WWOX: variants seen among roughly 807,000 people sequenced by gnomAD.
WWOX encodes the protein WW domain containing oxidoreductase.
In WWOX, 69 loss-of-function variants were observed where a neutral mutation model predicts 46.2. That is an observed-to-expected ratio of 1.49 (90% CI 1.23 to 1.82). The LOEUF is 1.82. WWOX is among the 40% of genes most tolerant of loss of function. The pLI, the probability that WWOX is intolerant of heterozygous loss-of-function variation, is 0.00. For synonymous variants in WWOX, 359 were observed against 202.6 expected (o/e 1.77, Z -6.56); for missense variants, 919 against 542.6 (o/e 1.69, Z -6.89).
chr16:78,994,120 T>C (rs1474433571), intron 8 of WWOX, among the ~76,000 whole-genome samples: 4 of 152,196 alleles, frequency 2.6e-5, no homozygotes, highest in Non-Finnish European at 2.9e-5. Flanking sequence ...CCTGTCAACA[T>C]TGGATAAACC....
intron 8 of WWOX, among the ~76,000 whole-genome samples, chr16:78,478,443 C>G (rs2084405880): frequency 6.6e-6 from 1 of 152,096 alleles, no homozygotes; most frequent in African/African-American, 2.4e-5. Flanking sequence ...TTTTCAGACT[C>G]CGGAAAGAAA....
chr16:78,701,575 T>C (rs13333816), intron 8 of WWOX, among the ~76,000 whole-genome samples: 1,723 of 152,058 alleles, frequency 0.011, 33 homozygotes, highest in African/African-American at 0.039. Flanking sequence ...CCCCCCGATA[T>C]ACTCAACATA....
chr16:78,467,291 T>G (rs1285348971), intron 8 of WWOX, among the ~76,000 whole-genome samples: 4 of 152,204 alleles, frequency 2.6e-5, no homozygotes, highest in Admixed American at 6.5e-5. Flanking sequence ...GTATGTATGA[T>G]GTATATACCC....
At chr16:78,505,435 C>A (rs2085171184) in intron 8 of WWOX, among the ~76,000 whole-genome samples, 1 of 152,136 alleles carries the variant, frequency 6.6e-6, no homozygotes, top group Non-Finnish European at 1.5e-5. Context: ...TGGAGAAAGC[C>A]AATCTGTTTC....
chr16:78,419,625 C>CAAAAAAAAA (rs60762734), intron 6 of WWOX, among the ~76,000 whole-genome samples: 45 of 44,690 alleles, frequency 1.0e-3, no homozygotes, highest in African/African-American at 2.1e-3. Flanking sequence ...CAAAAAATAG[C>CAAAAAAAAA]AAAAAAAAAA....
intron 5 of WWOX, among the ~76,000 whole-genome samples, chr16:78,320,468 G>A (rs1458410781): frequency 1.3e-5 from 2 of 152,148 alleles, no homozygotes; most frequent in Non-Finnish European, 2.9e-5. Flanking sequence ...GCTGTTTCCA[G>A]AAATAGTTTG....
At chr16:78,734,646 C>T (rs1279529428) in intron 8 of WWOX, among the ~76,000 whole-genome samples, 1 of 151,828 alleles carries the variant, frequency 6.6e-6, no homozygotes, top group East Asian at 2.0e-4. Context: ...CATGTTTGGT[C>T]AAACATCACT....
intron 6 of WWOX, among the ~76,000 whole-genome samples, chr16:78,391,632 G>A (rs544148171): frequency 6.6e-6 from 1 of 152,326 alleles, no homozygotes; most frequent in Admixed American, 6.5e-5. Context: ...TGGATTGCTT[G>A]AGGCCAGGAG....
intron 4 of WWOX, among the ~76,000 whole-genome samples, chr16:78,115,752 G>A (rs1285546972): frequency 6.6e-6 from 1 of 152,162 alleles, no homozygotes; most frequent in Non-Finnish European, 1.5e-5. Context: ...ACAGGAGCAA[G>A]GCGGGAGCAA....
intron 8 of WWOX, among the ~76,000 whole-genome samples, chr16:78,942,242 C>G (rs1301025762): frequency 1.3e-5 from 2 of 152,144 alleles, no homozygotes; most frequent in South Asian, 4.1e-4. Flanking sequence ...AAGTAGTAGG[C>G]TTCTTAAATA....
chr16:78,261,064 T>G (rs1254588904), intron 5 of WWOX, among the ~76,000 whole-genome samples: 1 of 151,320 alleles, frequency 6.6e-6, no homozygotes, highest in Non-Finnish European at 1.5e-5. Flanking sequence ...AAGCTTTAAG[T>G]GAAATTATTG....
intron 8 of WWOX, among the ~76,000 whole-genome samples, chr16:79,093,774 C>T (rs1056638543): frequency 2.0e-5 from 3 of 152,208 alleles, no homozygotes; most frequent in African/African-American, 4.8e-5. Context: ...ATCATTGATA[C>T]TTTTCTCTCT....
chr16:78,340,518 A>C (rs2080993938), intron 5 of WWOX, among the ~76,000 whole-genome samples: 1 of 120,118 alleles, frequency 8.3e-6, no homozygotes, highest in Admixed American at 8.1e-5. Context: ...CTCTTGATAA[A>C]GTCTTTCCCC....
chr16:79,060,369 C>G (rs142617553), intron 8 of WWOX, among the ~76,000 whole-genome samples: 2 of 152,326 alleles, frequency 1.3e-5, no homozygotes, highest in South Asian at 4.1e-4. Context: ...GGCCACTGGC[C>G]GTTAATTGGT....
intron 8 of WWOX, among the ~76,000 whole-genome samples, chr16:79,086,135 T>G (rs2048850313): frequency 6.6e-6 from 1 of 152,118 alleles, no homozygotes; most frequent in East Asian, 1.9e-4. Context: ...TTGTGGCTGC[T>G]CTCAATGTTC....
At chr16:78,759,712 C>G (rs1567541397) in intron 8 of WWOX, among the ~76,000 whole-genome samples, 1 of 152,168 alleles carries the variant, frequency 6.6e-6, no homozygotes, top group Non-Finnish European at 1.5e-5. Flanking sequence ...TTGTAGTTTC[C>G]TATGGCTGCT....
At position 78,587,236 on chromosome 16, in the gene WWOX, A is replaced by G. The variant is rs1485271373; in HGVS notation, c.1056+154484A>G. Among the ~76,000 whole-genome samples, 7 of 120,294 alleles carry G rather than the reference A, an allele frequency of 5.8e-5. No individual in the cohort carries two copies. In the East Asian group the frequency reaches 7.5e-4, roughly 13 times the overall value. 78.9% of individuals were successfully genotyped at this position (120,294 alleles called of 152,430 possible). The stretch of plus-strand genomic sequence containing the variant: ...TTTTTTGTAGAAACAGAGTCTCTCT[A>G]TGTTGCCCAGGCTTGTCTTGTACTG... On this transcript the variant is annotated intron_variant, in intron 8 of 8. Transcript: ENST00000566780.
chr16:78,329,401 T>C (rs544056552), intron 5 of WWOX, among the ~76,000 whole-genome samples: 2 of 152,276 alleles, frequency 1.3e-5, no homozygotes, highest in South Asian at 4.1e-4. Context: ...CCACGAAGGT[T>C]CCAGACAGAG....
intron 8 of WWOX, among the ~76,000 whole-genome samples, chr16:78,951,459 G>C (rs1357339785): frequency 1.3e-5 from 2 of 150,544 alleles, no homozygotes; most frequent in Non-Finnish European, 3.0e-5. Context: ...TAGAGCATGG[G>C]AGCGGGATCC....
Sources: gnomAD v4.1 joint callset for allele counts (sites outside exome capture counted in the v4.1 genomes callset) on GRCh38, gnomAD v4.1.1 for gene constraint, MANE v1.5 for transcripts, NCBI Gene and HGNC (gene_info 2026-07-23, HGNC 2026-07-21) for gene names.